ANO2: variants seen among roughly 807,000 people sequenced by gnomAD.
ANO2 encodes anoctamin 2.
ANO2 carries 101 observed loss-of-function variants against 124.2 expected under a neutral mutation model. The ratio of observed to expected loss-of-function variants is 0.81; its 90% CI spans 0.69 to 0.96. The LOEUF is 0.96. Among genes scored for constraint, ANO2 ranks in the 40% least tolerant of loss-of-function variants. The pLI is 0.00. For missense variants in ANO2, 1,293 were observed against 1,274.5 expected (o/e 1.01, Z -0.22); for synonymous variants, 486 against 482.5 (o/e 1.01, Z -0.09).
intron 7 of ANO2, among the ~76,000 whole-genome samples, chr12:5,808,326 C>T (rs776084841): frequency 6.6e-6 from 1 of 152,196 alleles, no homozygotes; most frequent in Non-Finnish European, 1.5e-5. Context: ...CAACAGAGAA[C>T]CTTCTGCGCA....
rs1035867795 is a variant in ANO2 at position 5,855,300 on chromosome 12, C to T, written c.535-1159G>A. 2.0e-5 allele frequency among the ~76,000 whole-genome samples: 3 copies of T among 152,192 alleles called. No homozygotes were observed. In the East Asian group the frequency reaches 5.8e-4, roughly 29 times the overall value. On this transcript the variant is annotated intron_variant, in intron 3 of 24. Coordinates refer to ENST00000682330, the MANE Select transcript of ANO2 (RefSeq NM_001364791.2). ...ATGGCAAATAGAAGACTACGTCCCC[C>T]CACTGAAGAACACTGTCTATGGAGG...
At chr12:5,851,200 A>G (rs1451201986) in intron 4 of ANO2, among the ~76,000 whole-genome samples, 1 of 152,226 alleles carries the variant, frequency 6.6e-6, no homozygotes, top group African/African-American at 2.4e-5. Flanking sequence ...AAAACTACAG[A>G]TGTAAGTTCC....
intron 1 of ANO2, among the ~76,000 whole-genome samples, chr12:5,933,347 A>T (rs1424309594): frequency 6.6e-6 from 1 of 151,880 alleles, no homozygotes; most frequent in African/African-American, 2.4e-5. Context: ...CCATACAACC[A>T]CCCCAAATTC....
At chr12:5,721,019 T>C (rs549227671) in intron 14 of ANO2, among the ~76,000 whole-genome samples, 1 of 152,200 alleles carries the variant, frequency 6.6e-6, no homozygotes, top group East Asian at 1.9e-4. Flanking sequence ...GAGATGTTTA[T>C]GGACGCATTC....
chr12:5,568,431 C>A (rs1409431072), intron 23 of ANO2, among the ~76,000 whole-genome samples: 1 of 152,074 alleles, frequency 6.6e-6, no homozygotes, highest in Non-Finnish European at 1.5e-5. Flanking sequence ...CGATCATGAC[C>A]CACTAAAGTG....
At chr12:5,606,620 C>T (rs1944233063) in intron 19 of ANO2, among the ~76,000 whole-genome samples, 1 of 152,078 alleles carries the variant, frequency 6.6e-6, no homozygotes, top group African/African-American at 2.4e-5. Flanking sequence ...ATGCAAATAG[C>T]TGTTTGCATA....
At chr12:5,933,049 C>T (rs925022511) in intron 1 of ANO2, among the ~76,000 whole-genome samples, 1 of 152,200 alleles carries the variant, frequency 6.6e-6, no homozygotes, top group African/African-American at 2.4e-5. Flanking sequence ...CCTCCTCACC[C>T]TCATTTTCTG....
At chr12:5,781,714 G>A (rs1952401660) in intron 10 of ANO2, among the ~76,000 whole-genome samples, 2 of 136,516 alleles carry the variant, frequency 1.5e-5, no homozygotes. Context: ...ACAGATGAAA[G>A]AGGTATACGG....
chr12:5,665,423 C>T (rs557547302), intron 14 of ANO2, among the ~76,000 whole-genome samples: 3 of 152,348 alleles, frequency 2.0e-5, no homozygotes, highest in East Asian at 3.9e-4. Context: ...CAGACCCCAG[C>T]TTCTGCCTCA....
At chr12:5,700,094 T>C (rs953498604) in intron 14 of ANO2, among the ~76,000 whole-genome samples, 3 of 152,196 alleles carry the variant, frequency 2.0e-5, no homozygotes, top group African/African-American at 4.8e-5. Context: ...GCGGACCTAA[T>C]AGACATCTAC....
At chr12:5,640,572 A>G (rs1283502846) in intron 15 of ANO2, among the ~76,000 whole-genome samples, 2 of 152,238 alleles carry the variant, frequency 1.3e-5, no homozygotes, top group African/African-American at 2.4e-5. Context: ...AAGGATATGA[A>G]CAGACACTTC....
At position 5,753,566 on chromosome 12, in the gene ANO2, C is replaced by G. The variant is rs544145045; in HGVS notation, c.1056-2596G>C. Among the ~76,000 whole-genome samples, 53 of 152,158 alleles carry G rather than the reference C, an allele frequency of 3.5e-4. 1 individual carries two copies. In the South Asian group the frequency reaches 8.1e-3, roughly 23 times the overall value. On this transcript the variant is annotated intron_variant, in intron 10 of 24. Coordinates refer to ENST00000682330, the MANE Select transcript of ANO2 (RefSeq NM_001364791.2). ...CTTTTATTTATATCCTCTTTAATTT[C>G]TTTTATCAACGTTTTATAGTTTTCA...
At chr12:5,578,618 T>A (rs532213402) in intron 20 of ANO2, 100 bp from the exon 21 acceptor site, 1 of 1,268,802 alleles carries the variant, frequency 7.9e-7, no homozygotes, top group African/African-American at 1.5e-5. Flanking sequence ...GCCTTGGGTA[T>A]CTTTCCCATA....
At chr12:5,741,972 G>T (rs747657625) in intron 12 of ANO2, among the ~76,000 whole-genome samples, 1 of 152,062 alleles carries the variant, frequency 6.6e-6, no homozygotes, top group African/African-American at 2.4e-5. Context: ...ACCTCTATTC[G>T]GAAAAGAGTT....
At chr12:5,676,843 C>T (rs138971038) in intron 14 of ANO2, among the ~76,000 whole-genome samples, 35 of 152,210 alleles carry the variant, frequency 2.3e-4, no homozygotes, top group African/African-American at 8.2e-4. Flanking sequence ...CACTTGAGGT[C>T]GGGATTTCAA....
chr12:5,682,297 T>C (rs74056639), intron 14 of ANO2, among the ~76,000 whole-genome samples: 2,053 of 152,240 alleles, frequency 0.013, 43 homozygotes, highest in African/African-American at 0.046. Flanking sequence ...TGATGAGTTA[T>C]AAACTATATT....
Position 5,921,244 on chromosome 12 carries a change from G to T in ANO2, c.330C>A (p.Arg110=). 6.2e-7 allele frequency: 1 copy of T among 1,613,980 alleles called. No homozygotes were observed. The highest frequency in any genetic ancestry group is 8.5e-7 in the Non-Finnish European group (1 of 1,179,876). The change falls in exon 3 of 25, where the codon CGC becomes CGA. Residue 110 remains arginine, a synonymous_variant. Coordinates refer to ENST00000682330, the MANE Select transcript of ANO2 (RefSeq NM_001364791.2). ...GGAAGCCTTGGGCCAGGTGCACCCC[G>T]CGTTTCCGGTAGTGGTAGGCAAGTA... ...DYVLAYHYRK[R]GVHLAQGFPG...
At chr12:5,875,176 C>T (rs1938007232) in intron 3 of ANO2, among the ~76,000 whole-genome samples, 3 of 152,178 alleles carry the variant, frequency 2.0e-5, no homozygotes, top group East Asian at 1.9e-4. Context: ...TGATACTGTG[C>T]CTTATATATA....
At chr12:5,945,860 AGGG>A (rs141880848), upstream of ANO2, among the ~76,000 whole-genome samples, 1,719 of 152,294 alleles carry the variant, frequency 0.011, 34 homozygotes, top group African/African-American at 0.039. Flanking sequence ...AGGCAGGAGG[AGGG>A]GTCCATTTTA....
Sources: gnomAD v4.1 joint callset for allele counts (sites outside exome capture counted in the v4.1 genomes callset) on GRCh38, gnomAD v4.1.1 for gene constraint, MANE v1.5 for transcripts, NCBI Gene and HGNC (gene_info 2026-07-23, HGNC 2026-07-21) for gene names.